Variants in CSRP3 observed in about 807,000 individuals in gnomAD.
CSRP3 encodes the protein cysteine and glycine rich protein 3, also known as cysteine and glycine-rich protein 3.
A neutral mutation model predicts 24.3 loss-of-function variants in CSRP3; 24 were observed. The ratio of observed to expected loss-of-function variants is 0.99; its 90% CI spans 0.71 to 1.39. The LOEUF (loss-of-function observed/expected upper bound fraction) is 1.39. Among genes scored for constraint, CSRP3 ranks in the 40% most tolerant of loss-of-function variants. CSRP3 has a pLI of 0.00. For synonymous variants in CSRP3, 105 were observed against 94.0 expected, an observed-to-expected ratio of 1.12 and a Z score of -0.68; for missense variants, 240 against 249.0, an observed-to-expected ratio of 0.96 and a Z score of 0.24.
chr11:19,201,282 A>G (rs550696427), intron 1 of CSRP3, among the ~76,000 whole-genome samples: 10 of 152,240 alleles, frequency 6.6e-5, no homozygotes, highest in Non-Finnish European at 1.0e-4. Flanking sequence ...GATTAATTTC[A>G]AAAGATTAAA....
chr11:19,182,573 A>G lies in CSRP3; in HGVS notation c.*97T>C. On this transcript the variant is annotated 3_prime_UTR_variant, in exon 6 of 6. Coordinates refer to ENST00000265968, the MANE Select transcript of CSRP3 (RefSeq NM_003476.5). ...GAGGAGAAACACATAATGTACGACT[A>G]CAAAGGAGAGGCTATTTGGGGAAAG... is the stretch of plus-strand genomic sequence containing the variant. 2 of 1,022,820 alleles carry G rather than the reference A, an allele frequency of 2.0e-6. No individual in the cohort carries two copies. The highest frequency in any genetic ancestry group is 3.1e-6 in the Non-Finnish European group (2 of 640,302). 63.4% of individuals were successfully genotyped at this position (1,022,820 alleles called of 1,614,324 possible). A position where few individuals can be genotyped will look rare whatever the true frequency, so the allele number is the denominator to read the frequency against.
At position 19,183,082 on chromosome 11, in the gene CSRP3, C is replaced by A. The variant is rs565636449; in HGVS notation, c.509-336G>T. On this transcript the variant is annotated intron_variant, in intron 5 of 5. Transcript: ENST00000265968. ...CTGAGGCAGGAGAATTGCTTGAGCC[C>A]GGGAGGCTGAAGTTGCAGTGAGCCA... Among the ~76,000 whole-genome samples, 6 of 152,084 alleles carry A rather than the reference C, an allele frequency of 3.9e-5. No homozygotes were observed. The East Asian group carries it at 1.2e-3, about 29-fold the overall frequency.
intron 3 of CSRP3, 122 bp from the exon 4 acceptor site, chr11:19,186,470 G>A (rs1590103506): frequency 2.0e-5 from 24 of 1,216,288 alleles, no homozygotes; most frequent in Non-Finnish European, 2.8e-5. Context: ...TGGAAAATGG[G>A]GATAATGATG....
intron 1 of CSRP3, among the ~76,000 whole-genome samples, chr11:19,197,673 C>T (rs780528236): frequency 1.4e-4 from 21 of 151,290 alleles, no homozygotes; most frequent in Non-Finnish European, 2.9e-4. Flanking sequence ...TAGGCCATGA[C>T]TTTGGGCAGA....
intron 1 of CSRP3, 144 bp from the exon 2 acceptor site, chr11:19,192,620 T>A (rs1850635096): frequency 1.5e-6 from 1 of 681,414 alleles, no homozygotes; most frequent in East Asian, 2.7e-5. Context: ...AAACAGCTAC[T>A]GTGTGCTAGT....
At chr11:19,197,419 T>C (rs7950639) in intron 1 of CSRP3, among the ~76,000 whole-genome samples, 4 of 116,760 alleles carry the variant, frequency 3.4e-5, no homozygotes, top group South Asian at 3.3e-4. Flanking sequence ...CCTTCCTTCC[T>C]TCCTTCCTTC....
chr11:19,193,827 A>G (rs1850653317), intron 1 of CSRP3, among the ~76,000 whole-genome samples: 1 of 152,266 alleles, frequency 6.6e-6, no homozygotes, highest in African/African-American at 2.4e-5. Context: ...CAAAAAATAA[A>G]TAAATAAATA....
intron 1 of CSRP3, among the ~76,000 whole-genome samples, chr11:19,194,934 C>T (rs940276797): frequency 1.3e-5 from 2 of 152,070 alleles, no homozygotes; most frequent in African/African-American, 4.8e-5. Context: ...TTTGTGACCC[C>T]TGGCATTGAG....
rs1038973953 is a variant in CSRP3 at position 19,186,423 on chromosome 11, A to C, written c.282-75T>G. 5 of 1,573,720 alleles carry C rather than the reference A, an allele frequency of 3.2e-6. No homozygotes were observed. In the East Asian group the frequency reaches 1.1e-4, roughly 35 times the overall value. On this transcript the variant is annotated intron_variant, in intron 3 of 5. Coordinates refer to ENST00000265968, the MANE Select transcript of CSRP3 (RefSeq NM_003476.5). ...GTAGAAGAGCTGTGTGGCCTTGAGA[A>C]AGTGACCTCACTTCCGTGTGTCTCA...
intron 5 of CSRP3, among the ~76,000 whole-genome samples, chr11:19,183,986 T>A (rs1850482301): frequency 6.6e-6 from 1 of 152,212 alleles, no homozygotes; most frequent in Non-Finnish European, 1.5e-5. Flanking sequence ...GGTGTGACTT[T>A]GCTCCTCCTT....
Position 19,182,278 on chromosome 11 carries a change from C to T in CSRP3, c.*392G>A, listed in dbSNP as rs949352128. 12 of 193,324 alleles carry T rather than the reference C, an allele frequency of 6.2e-5. No homozygotes were observed. Among genetic ancestry groups the T allele is most frequent in the South Asian group, 3.2e-4 (3 of 9,422 alleles). 12.0% of individuals were successfully genotyped at this position (193,324 alleles called of 1,614,324 possible). A position where few individuals can be genotyped will look rare whatever the true frequency, so the allele number is the denominator to read the frequency against. On this transcript the variant is annotated 3_prime_UTR_variant, in exon 6 of 6. Transcript: ENST00000265968. Reference sequence around the variant, plus strand: ...GATTCTGAAAGACTGCTTTCCTTTGCGCATTGTTTCTTCCTTCTCACTCCT... The same window carrying T: ...GATTCTGAAAGACTGCTTTCCTTTGTGCATTGTTTCTTCCTTCTCACTCCT...
chr11:19,187,981 T>C (rs951304589), intron 3 of CSRP3, among the ~76,000 whole-genome samples, 155 bp downstream of exon 3: 9 of 152,208 alleles, frequency 5.9e-5, no homozygotes, highest in African/African-American at 1.7e-4. Context: ...GATGACACAT[T>C]GTTCAAACTT....
chr11:19,184,823 A>G (rs1368377316), intron 5 of CSRP3, 129 bp downstream of exon 5: 8 of 770,356 alleles, frequency 1.0e-5, no homozygotes, highest in South Asian at 8.8e-5. Context: ...TGAGAACCCA[A>G]CGCTGCCCAG....
chr11:19,187,626 A>G (rs917762264), intron 3 of CSRP3, among the ~76,000 whole-genome samples: 6 of 152,236 alleles, frequency 3.9e-5, no homozygotes, highest in African/African-American at 1.2e-4. Context: ...ACAGGCAGCC[A>G]GGGAACCCCC....
intron 2 of CSRP3, 115 bp downstream of exon 2, chr11:19,192,222 G>C: frequency 1.3e-6 from 1 of 766,550 alleles, no homozygotes; most frequent in Non-Finnish European, 2.3e-6. Flanking sequence ...TGCTGATGCT[G>C]CTTGTCCCAG....
chr11:19,201,699 A>G (rs1468749688), intron 1 of CSRP3, among the ~76,000 whole-genome samples: 1 of 152,226 alleles, frequency 6.6e-6, no homozygotes, highest in African/African-American at 2.4e-5. Flanking sequence ...TATAATGAGG[A>G]TAATTCTTTA....
intron 1 of CSRP3, among the ~76,000 whole-genome samples, chr11:19,195,265 A>T (rs1351939253): frequency 6.6e-6 from 1 of 152,110 alleles, no homozygotes; most frequent in Non-Finnish European, 1.5e-5. Flanking sequence ...TTTGGACTCC[A>T]TTTAAACTAC....
At chr11:19,188,342 A>T in intron 2 of CSRP3, 38 bp from the exon 3 acceptor site, 1 of 1,608,654 alleles carries the variant, frequency 6.2e-7, no homozygotes, top group Non-Finnish European at 8.5e-7. Context: ...TTGGAATTGA[A>T]ATCCTTCTCC....
chr11:19,184,868 G>C, intron 5 of CSRP3, 84 bp downstream of exon 5: 1 of 1,034,718 alleles, frequency 9.7e-7, no homozygotes, highest in South Asian at 1.3e-5. Flanking sequence ...GACACGGGAA[G>C]ACCTCCAGGC....
Sources: allele counts gnomAD v4.1 joint callset (sites outside exome capture counted in the v4.1 genomes callset), GRCh38; gene constraint gnomAD v4.1.1; transcripts MANE v1.5; gene names NCBI Gene and HGNC (gene_info 2026-07-23, HGNC 2026-07-21).